Variants in KIF6 observed in about 807,000 individuals in gnomAD.
KIF6 encodes kinesin family member 6.
Under a neutral mutation model 112.7 loss-of-function variants are expected in KIF6, and 106 were observed. The observed-to-expected ratio is 0.94, with a 90% CI of 0.80 to 1.11. KIF6 has a LOEUF of 1.11. Among genes scored for constraint, KIF6 ranks in the 50% least tolerant of loss-of-function variants. The pLI is 0.00. For synonymous variants in KIF6, 339 were observed against 339.9 expected, an observed-to-expected ratio of 1.00 and a Z score of 0.03; for missense variants, 929 against 964.0, an observed-to-expected ratio of 0.96 and a Z score of 0.48.
intron 4 of KIF6, 112 bp from the exon 5 acceptor site, chr6:39,635,070 A>C: frequency 1.5e-6 from 1 of 655,324 alleles, no homozygotes; most frequent in Non-Finnish European, 2.7e-6. Flanking sequence ...TTTTTCTCTC[A>C]CTTTATATGG....
chr6:39,353,032 T>A (rs1217838800), intron 19 of KIF6, among the ~76,000 whole-genome samples: 1 of 152,224 alleles, frequency 6.6e-6, no homozygotes, highest in Non-Finnish European at 1.5e-5. Context: ...ATATTCTGTT[T>A]TTTTTTGTGG....
At chr6:39,410,966 C>T (rs566898521) in intron 15 of KIF6, among the ~76,000 whole-genome samples, 1 of 152,210 alleles carries the variant, frequency 6.6e-6, no homozygotes, top group Non-Finnish European at 1.5e-5. Flanking sequence ...AGGTGGGTTC[C>T]TGACCCCAAA....
chr6:39,644,686 G>C (rs1378785465), intron 3 of KIF6, among the ~76,000 whole-genome samples: 1 of 152,144 alleles, frequency 6.6e-6, no homozygotes, highest in Non-Finnish European at 1.5e-5. Context: ...ACTGCTAATG[G>C]CTATGGTACA....
At chr6:39,349,175 A>G (rs1160383152) in intron 19 of KIF6, among the ~76,000 whole-genome samples, 1 of 152,202 alleles carries the variant, frequency 6.6e-6, no homozygotes, top group Non-Finnish European at 1.5e-5. Flanking sequence ...AGGCAAGCAC[A>G]TCCAGGAATC....
chr6:39,501,663 A>G (rs1021344208), intron 13 of KIF6, among the ~76,000 whole-genome samples: 1 of 152,246 alleles, frequency 6.6e-6, no homozygotes, highest in Non-Finnish European at 1.5e-5. Flanking sequence ...TGAAAAACAT[A>G]TTACAAGAAC....
intron 3 of KIF6, among the ~76,000 whole-genome samples, chr6:39,656,716 GC>G (rs1351190146): frequency 6.6e-6 from 1 of 152,094 alleles, no homozygotes; most frequent in African/African-American, 2.4e-5. Flanking sequence ...CCATTCTTCT[GC>G]CCCAACCAAA....
At position 39,725,247 on chromosome 6, in the gene KIF6, C is replaced by A. The variant is rs751150007; in HGVS notation, c.64G>T (p.Gly22Trp). 3 of 1,609,568 alleles carry A rather than the reference C, an allele frequency of 1.9e-6. No individual in the cohort carries two copies. In the Admixed American group the frequency reaches 5.0e-5, roughly 27 times the overall value. Residue 22 changes from glycine to tryptophan, a missense_variant and splice_region_variant, in exon 1 of 23, where the codon GGG (glycine) becomes TGG (tryptophan). By Grantham distance (184) the Gly-to-Trp change is radical. This residue lies in a region of KIF6 where 688 missense variants were observed against 662.7 expected (regional missense o/e 1.04). Transcript: ENST00000287152. Reference sequence around the variant, plus strand: ...GCCCCGGAGGCTCCAGCCCGTACCCCTTGTTGGTGCTTCCGGACAGGGGGC... The same window carrying A: ...GCCCCGGAGGCTCCAGCCCGTACCCATTGTTGGTGCTTCCGGACAGGGGGC... ...VKPPVRKHQQ[G>W]IYSIDEDEKL...
intron 1 of KIF6, among the ~76,000 whole-genome samples, chr6:39,724,044 G>A (rs1263975248): frequency 6.6e-6 from 1 of 152,180 alleles, no homozygotes; most frequent in Admixed American, 6.5e-5. Flanking sequence ...GGGTTCTTGT[G>A]AGAATGAGAG....
At chr6:39,395,685 C>T (rs1768216259) in intron 15 of KIF6, among the ~76,000 whole-genome samples, 1 of 152,144 alleles carries the variant, frequency 6.6e-6, no homozygotes, top group Non-Finnish European at 1.5e-5. Flanking sequence ...CCAGGGTACA[C>T]TCTTAGGAGT....
At position 39,680,301 on chromosome 6, in the gene KIF6, C is replaced by G. The variant is rs537004726; in HGVS notation, c.251+34391G>C. Among the ~76,000 whole-genome samples the G allele has an allele frequency of 6.5e-4, 99 of 152,336 alleles. 1 individual carries two copies. The highest frequency in any genetic ancestry group is 7.7e-4 in the East Asian group (4 of 5,186). ...GGGACTACAGGCATGAGCCACCATGCCCGGGTGTATAATTAGTTTTTAATT... is the reference window on the plus strand; with the variant it reads ...GGGACTACAGGCATGAGCCACCATGGCCGGGTGTATAATTAGTTTTTAATT... On this transcript the variant is annotated intron_variant, in intron 3 of 22. Coordinates refer to ENST00000287152, the MANE Select transcript of KIF6 (RefSeq NM_145027.6).
chr6:39,526,570 TACTC>T (rs1777740995), intron 13 of KIF6, among the ~76,000 whole-genome samples: 1 of 152,208 alleles, frequency 6.6e-6, no homozygotes, highest in Non-Finnish European at 1.5e-5. Context: ...TCCGTGTACT[TACTC>T]ACTCTCATGT....
chr6:39,344,553 T>G (rs562881261), intron 21 of KIF6, among the ~76,000 whole-genome samples: 8 of 152,288 alleles, frequency 5.3e-5, no homozygotes, highest in African/African-American at 1.9e-4. Flanking sequence ...TTTGCTCTGA[T>G]GCTTCCTCTC....
chr6:39,361,482 C>A (rs146822566), intron 17 of KIF6, among the ~76,000 whole-genome samples: 67 of 150,398 alleles, frequency 4.5e-4, no homozygotes, highest in African/African-American at 1.5e-3. Flanking sequence ...CTGCTTGAAC[C>A]CGGGAGATGG....
At chr6:39,357,203 C>A in intron 19 of KIF6, 74 bp downstream of exon 19, 1 of 856,348 alleles carries the variant, frequency 1.2e-6, no homozygotes. Context: ...ATGAGAGCCA[C>A]AGGAATAGGT....
chr6:39,417,956 A>T (rs1770043906), intron 15 of KIF6, among the ~76,000 whole-genome samples: 1 of 151,804 alleles, frequency 6.6e-6, no homozygotes, highest in South Asian at 2.1e-4. Flanking sequence ...AGGTAAGAGG[A>T]TGCTGACAAA....
chr6:39,385,117 C>G (rs139130818), intron 16 of KIF6, among the ~76,000 whole-genome samples: 11 of 152,340 alleles, frequency 7.2e-5, no homozygotes, highest in Non-Finnish European at 1.5e-4. Context: ...TCAACACTCA[C>G]TGGCTACATG....
chr6:39,564,098 C>T (rs1262393365), intron 10 of KIF6, among the ~76,000 whole-genome samples: 2 of 152,168 alleles, frequency 1.3e-5, no homozygotes, highest in African/African-American at 4.8e-5. Flanking sequence ...CAGTCCTGTA[C>T]TCTGCCCAAC....
rs1258883006 is a variant in KIF6, at chr6:39,690,566, G to A, written c.251+24126C>T. On this transcript the variant is annotated intron_variant, in intron 3 of 22. Coordinates refer to ENST00000287152, the MANE Select transcript of KIF6 (RefSeq NM_145027.6). ...GGGCAGTGTAGGGAACAGACAAGCA[G>A]GGACAGACAGGAGGGAGAAGGGGAA... 5.2e-5 allele frequency: 8 copies of A among 152,390 alleles called. No individual in the cohort carries two copies. The Admixed American group carries it at 5.3e-4, about 10-fold the overall frequency. 9.4% of individuals were successfully genotyped at this position (152,390 alleles called of 1,614,324 possible). A position where few individuals can be genotyped will look rare whatever the true frequency, so the allele number is the denominator to read the frequency against.
intron 3 of KIF6, among the ~76,000 whole-genome samples, chr6:39,663,566 A>C (rs1474932196): frequency 2.0e-5 from 3 of 152,140 alleles, no homozygotes; most frequent in Non-Finnish European, 4.4e-5. Flanking sequence ...TGGCTATAAG[A>C]AGCTTTATGA....
Sources: gnomAD v4.1 joint callset for allele counts (sites outside exome capture counted in the v4.1 genomes callset) on GRCh38, gnomAD v4.1.1 for gene constraint, gnomAD v4.1.1 regional missense constraint, MANE v1.5 for transcripts, NCBI Gene and HGNC (gene_info 2026-07-23, HGNC 2026-07-21) for gene names.